ADAMTSL1: variants seen among roughly 807,000 people sequenced by gnomAD.
The protein encoded by ADAMTSL1 is ADAMTS-like protein 1.
In ADAMTSL1, 126 loss-of-function variants were observed where a neutral mutation model predicts 201.8. The ratio of observed to expected loss-of-function variants is 0.62; its 90% CI spans 0.54 to 0.72. The LOEUF (loss-of-function observed/expected upper bound fraction) is 0.72. ADAMTSL1 is among the 30% of genes least tolerant of loss of function. The pLI, the probability that ADAMTSL1 is intolerant of heterozygous loss-of-function variation, is 0.00. For missense variants in ADAMTSL1, 2,679 were observed against 2,277.8 expected, an observed-to-expected ratio of 1.18 and a Z score of -3.59; for synonymous variants, 1,121 against 903.4, an observed-to-expected ratio of 1.24 and a Z score of -4.32.
At chr9:18,728,095 A>G (rs907860057) in intron 15 of ADAMTSL1, among the ~76,000 whole-genome samples, 2 of 86,464 alleles carry the variant, frequency 2.3e-5, no homozygotes, top group African/African-American at 7.7e-5. Context: ...TAAATAAATA[A>G]ATAAATAAAT....
chr9:18,735,583 A>G (rs1160801532), intron 15 of ADAMTSL1, among the ~76,000 whole-genome samples: 1 of 152,138 alleles, frequency 6.6e-6, no homozygotes, highest in Non-Finnish European at 1.5e-5. Context: ...TGAAGTTTAA[A>G]GAGTAAAAGT....
intron 2 of ADAMTSL1, among the ~76,000 whole-genome samples, chr9:18,334,024 A>T (rs1007613395): frequency 3.9e-5 from 6 of 152,190 alleles, no homozygotes; most frequent in Middle Eastern, 3.2e-3. Flanking sequence ...CCTAGGCATT[A>T]AAGTGAAACC....
intron 1 of ADAMTSL1, among the ~76,000 whole-genome samples, chr9:17,920,264 T>A (rs1439972321): frequency 6.6e-6 from 1 of 152,182 alleles, no homozygotes; most frequent in Non-Finnish European, 1.5e-5. Context: ...TCCTTTGCCC[T>A]GCTAGCATTC....
intron 3 of ADAMTSL1, among the ~76,000 whole-genome samples, chr9:18,565,283 TAGAA>T (rs1313269697): frequency 6.6e-6 from 1 of 152,192 alleles, no homozygotes; most frequent in Non-Finnish European, 1.5e-5. Context: ...TTGAATATAT[TAGAA>T]AGAGTTCCAT....
At chr9:18,805,191 T>C (rs1381251997) in intron 20 of ADAMTSL1, among the ~76,000 whole-genome samples, 2 of 152,364 alleles carry the variant, frequency 1.3e-5, no homozygotes, top group East Asian at 1.9e-4. Flanking sequence ...AGGCCAGCCA[T>C]GGTGTGACTT....
At chr9:18,705,269 C>T (rs949670410) in intron 13 of ADAMTSL1, among the ~76,000 whole-genome samples, 1 of 152,154 alleles carries the variant, frequency 6.6e-6, no homozygotes, top group Non-Finnish European at 1.5e-5. Context: ...TGCAGCACGA[C>T]TCCCTGTGAG....
intron 1 of ADAMTSL1, among the ~76,000 whole-genome samples, chr9:17,958,286 A>C (rs957119532): frequency 3.9e-5 from 6 of 152,212 alleles, no homozygotes; most frequent in African/African-American, 1.2e-4. Flanking sequence ...ACAGGGTCCC[A>C]ATAAATGATG....
chr9:18,889,420 C>CTATAAAT, intron 24 of ADAMTSL1, 148 bp from the exon 25 acceptor site: 5 of 840,694 alleles, frequency 5.9e-6, no homozygotes, highest in Non-Finnish European at 8.9e-6. Context: ...TGGTTCCCTG[C>CTATAAAT]GAGGAGCAGG....
At chr9:18,846,795 G>A (rs1022189623) in intron 23 of ADAMTSL1, among the ~76,000 whole-genome samples, 2 of 152,200 alleles carry the variant, frequency 1.3e-5, no homozygotes, top group Admixed American at 6.5e-5. Flanking sequence ...GGATCTGTAA[G>A]AGGTAACTTC....
chr9:18,206,033 A>G (rs1283865332), intron 2 of ADAMTSL1, among the ~76,000 whole-genome samples: 1 of 122,064 alleles, frequency 8.2e-6, no homozygotes, highest in Middle Eastern at 5.4e-3. Flanking sequence ...CACCCTGGGC[A>G]ACAAAGTGAG....
At chr9:18,240,160 C>T (rs982630675) in intron 2 of ADAMTSL1, among the ~76,000 whole-genome samples, 1 of 152,104 alleles carries the variant, frequency 6.6e-6, no homozygotes, top group African/African-American at 2.4e-5. Context: ...CAGTTTTAGC[C>T]TGACAAAATG....
intron 1 of ADAMTSL1, among the ~76,000 whole-genome samples, chr9:18,142,477 C>T (rs930744557): frequency 6.6e-6 from 1 of 152,188 alleles, no homozygotes; most frequent in African/African-American, 2.4e-5. Context: ...CTCCTTTGAT[C>T]TCCATGGAGG....
intron 1 of ADAMTSL1, among the ~76,000 whole-genome samples, chr9:18,498,231 T>A (rs578094190): frequency 1.9e-4 from 28 of 151,274 alleles, no homozygotes; most frequent in African/African-American, 6.8e-4. Context: ...GGGCAGGGAG[T>A]GATAAAATAA....
At chr9:18,327,571 T>G (rs1834876474) in intron 2 of ADAMTSL1, among the ~76,000 whole-genome samples, 4 of 152,178 alleles carry the variant, frequency 2.6e-5, no homozygotes, top group African/African-American at 7.2e-5. Flanking sequence ...AGCAACAAAC[T>G]TGGGGACTTG....
chr9:18,675,521 AG>A (rs1430990135), intron 9 of ADAMTSL1, among the ~76,000 whole-genome samples: 1 of 152,194 alleles, frequency 6.6e-6, no homozygotes, highest in Non-Finnish European at 1.5e-5. Context: ...ATGACCTCAT[AG>A]GATGTATAAT....
intron 9 of ADAMTSL1, among the ~76,000 whole-genome samples, chr9:18,672,379 G>A (rs1829877470): frequency 6.6e-6 from 1 of 151,946 alleles, no homozygotes; most frequent in African/African-American, 2.4e-5. Context: ...TCTAATTGTT[G>A]TAATTGTAAA....
Position 18,707,003 on chromosome 9 carries a change from TG to T in ADAMTSL1, c.1834del (p.Glu612SerfsTer21). The T allele has an allele frequency of 6.2e-7, 1 of 1,613,900 alleles. No homozygotes were observed. On this transcript the variant is annotated frameshift_variant, in exon 14 of 29. Transcript: ENST00000380548. LOFTEE classifies it high-confidence loss of function. ...GLQDFDELYD[W>X]EYEGFTKCSE... ...GCAGGATTTCGACGAGCTGTATGAC[TG>T]GGAGTATGAGGGGTTCACCAAGTGC...
At chr9:18,719,681 A>T (rs512837) in intron 14 of ADAMTSL1, among the ~76,000 whole-genome samples, 38,373 of 151,772 alleles carry the variant, frequency 0.25, 5,354 homozygotes, top group Middle Eastern at 0.32. Flanking sequence ...TCTTTTTTTT[A>T]AAAAATGTTT....
Position 18,852,469 on chromosome 9 carries a change from T to C in ADAMTSL1, c.4249+22492T>C, listed in dbSNP as rs1159808637. ...GTTAAGAATGCCCTCAGAAGCCAGA[T>C]CCTGGAAGCAGGAATAAAGAAGAAG... On this transcript the variant is annotated intron_variant, in intron 23 of 28. Coordinates refer to ENST00000380548, the MANE Select transcript of ADAMTSL1 (RefSeq NM_001040272.6). Among the ~76,000 whole-genome samples the C allele has an allele frequency of 2.0e-5, 3 of 148,726 alleles. No individual in the cohort carries two copies. The East Asian group carries it at 6.3e-4, about 31-fold the overall frequency.
Sources: gnomAD v4.1 joint callset for allele counts (sites outside exome capture counted in the v4.1 genomes callset) on GRCh38, gnomAD v4.1.1 for gene constraint, MANE v1.5 for transcripts, NCBI Gene and HGNC (gene_info 2026-07-23, HGNC 2026-07-21) for gene names.